The following RYR2 variants were observed in gnomAD, a reference collection of about 807,000 sequenced individuals.
The protein encoded by RYR2 is ryanodine receptor 2.
RYR2 carries 227 observed loss-of-function variants against 601.1 expected under a neutral mutation model. The observed-to-expected ratio is 0.38, with a 90% CI of 0.34 to 0.42. The LOEUF is 0.42. Ranked by LOEUF, RYR2 falls within the 10% of genes least tolerant of loss-of-function variation. The probability of loss-of-function intolerance (pLI) is 1.00; values close to 1 mark genes in which losing one functional copy is unlikely to be tolerated. For synonymous variants in RYR2, 2,223 were observed against 2,175.1 expected (o/e 1.02, Z -0.61); for missense variants, 4,646 against 6,156.5 (o/e 0.75, Z 8.21).
chr1:237,208,936 G>GTGTGTA (rs1418847642), intron 1 of RYR2, among the ~76,000 whole-genome samples: 253 of 89,798 alleles, frequency 2.8e-3, no homozygotes, highest in Non-Finnish European at 4.1e-3. Flanking sequence ...ATGTGTGTGT[G>GTGTGTA]TATATATATA....
At chr1:237,189,661 C>T (rs1679747287) in intron 1 of RYR2, among the ~76,000 whole-genome samples, 1 of 152,148 alleles carries the variant, frequency 6.6e-6, no homozygotes, top group Non-Finnish European at 1.5e-5. Context: ...GGGCCTCCAA[C>T]AGAAATTGAC....
intron 54 of RYR2, 97 bp from the exon 55 acceptor site, chr1:237,659,888 G>A: frequency 1.5e-6 from 1 of 681,370 alleles, no homozygotes; most frequent in South Asian, 2.2e-5. Context: ...GTTCATTTTA[G>A]GTTTATTTTA....
chr1:237,613,699 G>A (rs1369950469), intron 36 of RYR2, among the ~76,000 whole-genome samples: 1 of 152,164 alleles, frequency 6.6e-6, no homozygotes, highest in Non-Finnish European at 1.5e-5. Flanking sequence ...CAGGTTGGGT[G>A]TCCCAAATCC....
chr1:237,529,810 G>T (rs1667952906), intron 24 of RYR2, among the ~76,000 whole-genome samples: 1 of 120,938 alleles, frequency 8.3e-6, no homozygotes. Flanking sequence ...ACGTATATCT[G>T]CTTTAGTAGG....
chr1:237,222,925 C>T (rs544852402), intron 1 of RYR2, among the ~76,000 whole-genome samples: 12 of 152,198 alleles, frequency 7.9e-5, no homozygotes, highest in African/African-American at 2.9e-4. Flanking sequence ...ATTATCCCGG[C>T]ATGGTGGCAC....
At chr1:237,606,219 G>T (rs1368535505) in intron 35 of RYR2, among the ~76,000 whole-genome samples, 1 of 152,074 alleles carries the variant, frequency 6.6e-6, no homozygotes, top group Non-Finnish European at 1.5e-5. Flanking sequence ...CCAAAACAGA[G>T]ATACAGACCA....
intron 10 of RYR2, among the ~76,000 whole-genome samples, chr1:237,398,289 T>C (rs1703043227): frequency 6.6e-6 from 1 of 152,150 alleles, no homozygotes. Flanking sequence ...CAGGAGAAAG[T>C]GTGTTTTGCT....
intron 6 of RYR2, among the ~76,000 whole-genome samples, chr1:237,371,839 T>C (rs1700667557): frequency 1.3e-5 from 2 of 152,034 alleles, no homozygotes; most frequent in Non-Finnish European, 2.9e-5. Context: ...TAGGTGGGAA[T>C]TGAACAGTGA....
chr1:237,652,560 A>G, intron 51 of RYR2, among the ~76,000 whole-genome samples: 1 of 152,190 alleles, frequency 6.6e-6, no homozygotes, highest in South Asian at 2.1e-4. Flanking sequence ...ATCCCTGGAT[A>G]TTTAGCAAAA....
At chr1:237,732,448 TAAAAC>T (rs1690775837) in intron 78 of RYR2, among the ~76,000 whole-genome samples, 1 of 152,154 alleles carries the variant, frequency 6.6e-6, no homozygotes, top group Non-Finnish European at 1.5e-5. Context: ...ACTTTATAAA[TAAAAC>T]AAAAGAACCA....
At chr1:237,127,454 G>A (rs1280742852) in intron 1 of RYR2, among the ~76,000 whole-genome samples, 2 of 151,034 alleles carry the variant, frequency 1.3e-5, no homozygotes, top group African/African-American at 2.4e-5. Flanking sequence ...GCGGCTGGCC[G>A]GGCAGGGGGC....
intron 38 of RYR2, among the ~76,000 whole-genome samples, chr1:237,619,891 A>G (rs575035080): frequency 6.6e-6 from 1 of 152,288 alleles, no homozygotes; most frequent in East Asian, 1.9e-4. Context: ...AAATCAAGAC[A>G]TTCTCAAATG....
chr1:237,821,662 A>C (rs2102855891), intron 101 of RYR2, among the ~76,000 whole-genome samples: 1 of 152,172 alleles, frequency 6.6e-6, no homozygotes, highest in Non-Finnish European at 1.5e-5. Context: ...ACAAAACTGG[A>C]CGGAAAATGA....
chr1:237,247,665 C>T (rs981351769), intron 1 of RYR2, among the ~76,000 whole-genome samples: 2 of 152,034 alleles, frequency 1.3e-5, no homozygotes, highest in Admixed American at 6.6e-5. Context: ...GGGAAGAACA[C>T]ACAAAAGAGA....
intron 21 of RYR2, among the ~76,000 whole-genome samples, chr1:237,501,915 A>C (rs1319262890): frequency 6.6e-6 from 1 of 152,160 alleles, no homozygotes. Flanking sequence ...CCGAGGTGGA[A>C]GGATTGCTTA....
chr1:237,485,060 C>T (rs1369654007), intron 17 of RYR2, among the ~76,000 whole-genome samples: 3 of 152,198 alleles, frequency 2.0e-5, no homozygotes, highest in Admixed American at 6.5e-5. Flanking sequence ...TTGCCGAATT[C>T]ACCAAGTAAA....
chr1:237,318,870 G>A (rs1055045467), intron 2 of RYR2, among the ~76,000 whole-genome samples: 1 of 151,808 alleles, frequency 6.6e-6, no homozygotes, highest in South Asian at 2.1e-4. Context: ...GGAAGTTTGG[G>A]GCCATTCATT....
rs7531974 is a variant in RYR2 at position 237,342,475 on chromosome 1, G to A, written c.273+11493G>A. ...CACTCATACAACCTCTTTAGTGATTGTTGCAGTCACACATTCTGAGAAGAT... is the reference window on the plus strand; with the variant it reads ...CACTCATACAACCTCTTTAGTGATTATTGCAGTCACACATTCTGAGAAGAT... On this transcript the variant is annotated intron_variant, in intron 3 of 104. Coordinates refer to ENST00000366574, the MANE Select transcript of RYR2 (RefSeq NM_001035.3). Among the ~76,000 whole-genome samples, 753 of 152,112 alleles carry A rather than the reference G, an allele frequency of 5.0e-3. 6 individuals carry two copies. Among genetic ancestry groups the A allele is most frequent in the African/African-American group, 0.018 (728 of 41,504 alleles).
chr1:237,732,186 G>A (rs1476701625), intron 78 of RYR2, 37 bp downstream of exon 78: 2 of 1,271,148 alleles, frequency 1.6e-6, no homozygotes, highest in Non-Finnish European at 2.3e-6. Flanking sequence ...CATAGGAGGA[G>A]CAAATAAAGA....
Sources: allele counts gnomAD v4.1 joint callset (sites outside exome capture counted in the v4.1 genomes callset), GRCh38; gene constraint gnomAD v4.1.1; transcripts MANE v1.5; gene names NCBI Gene and HGNC (gene_info 2026-07-23, HGNC 2026-07-21).